The following NFASC variants were observed in gnomAD, a reference collection of about 807,000 sequenced individuals.
The protein encoded by NFASC is neurofascin.
Under a neutral mutation model 147.5 loss-of-function variants are expected in NFASC, and 43 were observed. The observed-to-expected ratio is 0.29, with a 90% CI of 0.23 to 0.38. The LOEUF is 0.38. Among genes scored for constraint, NFASC ranks in the 10% least tolerant of loss-of-function variants. NFASC has a pLI of 1.00. For missense variants in NFASC, 1,320 were observed against 1,689.0 expected, an observed-to-expected ratio of 0.78 and a Z score of 3.83; for synonymous variants, 622 against 665.5, an observed-to-expected ratio of 0.93 and a Z score of 1.01.
chr1:204,845,872 G>A (rs375023192), intron 1 of NFASC, among the ~76,000 whole-genome samples: 8 of 151,724 alleles, frequency 5.3e-5, no homozygotes, highest in South Asian at 4.2e-4. Flanking sequence ...ACTGCACACC[G>A]CGTGTGTGGT....
intron 2 of NFASC, among the ~76,000 whole-genome samples, chr1:204,925,223 A>G (rs1038347890): frequency 6.6e-6 from 1 of 152,342 alleles, no homozygotes; most frequent in East Asian, 1.9e-4. Context: ...ATACATGTAC[A>G]TTAGCTCATT....
chr1:204,944,115 A>T, intron 2 of NFASC, 111 bp from the exon 3 acceptor site: 1 of 917,228 alleles, frequency 1.1e-6, no homozygotes, highest in South Asian at 1.5e-5. Context: ...TCTATCTAGA[A>T]CATTACTCTG....
At chr1:204,891,774 G>A (rs558455564) in intron 1 of NFASC, among the ~76,000 whole-genome samples, 2 of 152,158 alleles carry the variant, frequency 1.3e-5, no homozygotes, top group East Asian at 1.9e-4. Context: ...TCCTATGGGG[G>A]ACTCCTTGCA....
At chr1:205,001,367 C>T in intron 26 of NFASC, 81 bp downstream of exon 26, 1 of 810,632 alleles carries the variant, frequency 1.2e-6, no homozygotes, top group Non-Finnish European at 2.1e-6. Flanking sequence ...CATTAAAGAG[C>T]TCCTGTGAAC....
chr1:204,859,645 G>A (rs900027863), intron 1 of NFASC, among the ~76,000 whole-genome samples: 12 of 152,200 alleles, frequency 7.9e-5, no homozygotes, highest in Admixed American at 3.3e-4. Context: ...CTTGGGTCCC[G>A]CAGCTGCACT....
chr1:204,880,819 G>A (rs1448385256), intron 1 of NFASC, among the ~76,000 whole-genome samples: 4 of 152,294 alleles, frequency 2.6e-5, no homozygotes, highest in South Asian at 2.1e-4. Context: ...CAGGATCAGC[G>A]TCAGAGAGAA....
In NFASC at chr1:204,981,929, C is replaced by T; in HGVS notation, c.2379C>T (p.Val793=). ...GCTACGTGGTGGGGCAGACCCCAGTCTACGTGCCCTATGAGATCCGAGTCC... is the reference window on the plus strand; with the variant it reads ...GCTACGTGGTGGGGCAGACCCCAGTTTACGTGCCCTATGAGATCCGAGTCC... ...GSRYVVGQTP[V]YVPYEIRVQA... Residue 793 remains valine, a synonymous_variant, in exon 21 of 30, where the codon GTC becomes GTT. Coordinates refer to ENST00000339876, the MANE Select transcript of NFASC (RefSeq NM_001005388.3). 1 of 1,609,394 alleles carries T rather than the reference C, an allele frequency of 6.2e-7. No individual in the cohort carries two copies.
At chr1:204,841,179 G>T (rs904511173) in intron 1 of NFASC, among the ~76,000 whole-genome samples, 7 of 152,192 alleles carry the variant, frequency 4.6e-5, no homozygotes, top group Admixed American at 3.3e-4. Flanking sequence ...TGTCCTAGAT[G>T]CTTGACTTTG....
At chr1:204,839,678 A>G (rs1396999776) in intron 1 of NFASC, among the ~76,000 whole-genome samples, 1 of 152,158 alleles carries the variant, frequency 6.6e-6, no homozygotes, top group African/African-American at 2.4e-5. Flanking sequence ...CTCCTCTTCC[A>G]TGGTGAAGAG....
intron 1 of NFASC, among the ~76,000 whole-genome samples, chr1:204,831,459 G>GTCTGATTTCT (rs1441220712): frequency 6.6e-6 from 1 of 151,686 alleles, no homozygotes; most frequent in Non-Finnish European, 1.5e-5. Flanking sequence ...CCAGAGGAGG[G>GTCTGATTTCT]TCTGATTTCT....
chr1:204,978,278 T>C (rs2095446013), intron 17 of NFASC, among the ~76,000 whole-genome samples: 1 of 152,138 alleles, frequency 6.6e-6, no homozygotes. Flanking sequence ...AGCCGATGTC[T>C]TTATCCCAGG....
intron 21 of NFASC, among the ~76,000 whole-genome samples, chr1:204,983,394 T>G (rs1040035103): frequency 2.6e-5 from 4 of 151,884 alleles, no homozygotes; most frequent in Admixed American, 2.6e-4. Context: ...TGGAGAGAGT[T>G]GGAGGGAAAA....
chr1:204,884,381 G>A (rs2080903294), intron 1 of NFASC, among the ~76,000 whole-genome samples: 1 of 152,116 alleles, frequency 6.6e-6, no homozygotes, highest in Admixed American at 6.5e-5. Flanking sequence ...GGTGGTCCCT[G>A]AAGTCAATAC....
At chr1:204,944,448 T>TG in intron 3 of NFASC, 42 bp downstream of exon 3, 2 of 485,906 alleles carry the variant, frequency 4.1e-6, no homozygotes, top group Non-Finnish European at 3.7e-6. Context: ...TTCCTGATTT[T>TG]GGGCAGAGGG....
intron 26 of NFASC, among the ~76,000 whole-genome samples, chr1:205,001,690 C>T (rs2095990497): frequency 6.6e-6 from 1 of 152,216 alleles, no homozygotes; most frequent in Non-Finnish European, 1.5e-5. Context: ...TATAACCCTG[C>T]TTTGCTCCCA....
intron 2 of NFASC, among the ~76,000 whole-genome samples, 160 bp downstream of exon 2, chr1:204,920,900 C>T (rs886644492): frequency 1.3e-5 from 2 of 152,160 alleles, no homozygotes; most frequent in African/African-American, 4.8e-5. Flanking sequence ...GATAGAAGCC[C>T]TGAGTTGCCA....
At chr1:204,935,531 C>G (rs779120883) in intron 2 of NFASC, among the ~76,000 whole-genome samples, 1 of 152,128 alleles carries the variant, frequency 6.6e-6, no homozygotes. Flanking sequence ...AAAGTGGCAG[C>G]AAGAAATAGG....
rs72753450 is a variant in NFASC, at chr1:204,992,970, G to A, written c.2782+1664G>A. ...AAATGTTTCCTGGGCTCCAGCTTCC[G>A]TGTGACATGGCAGTGGAGGCAGATT... On this transcript the variant is annotated intron_variant, in intron 24 of 29. Transcript: ENST00000339876. Among the ~76,000 whole-genome samples the A allele has an allele frequency of 5.7e-3, 861 of 152,344 alleles. 12 individuals are homozygous for A. Among genetic ancestry groups the A allele is most frequent in the South Asian group, 0.012 (56 of 4,824 alleles).
intron 1 of NFASC, among the ~76,000 whole-genome samples, chr1:204,840,143 T>G (rs934636814): frequency 6.6e-6 from 1 of 152,212 alleles, no homozygotes; most frequent in African/African-American, 2.4e-5. Flanking sequence ...AGGTCTGGAC[T>G]GGGTTTGAGA....
Sources: allele counts gnomAD v4.1 joint callset (sites outside exome capture counted in the v4.1 genomes callset), GRCh38; gene constraint gnomAD v4.1.1; transcripts MANE v1.5; gene names NCBI Gene and HGNC (gene_info 2026-07-23, HGNC 2026-07-21).